Variants in ADGRL3 observed in about 807,000 individuals in gnomAD.
The protein encoded by ADGRL3 is adhesion G protein-coupled receptor L3.
Under a neutral mutation model 153.5 loss-of-function variants are expected in ADGRL3, and 62 were observed. The observed-to-expected ratio is 0.40, with a 90% CI of 0.33 to 0.50. The LOEUF (loss-of-function observed/expected upper bound fraction) is 0.50, where lower values mean the gene tolerates loss of function less well. Ranked by LOEUF, ADGRL3 falls within the 20% of genes least tolerant of loss-of-function variation. The pLI is 0.47. For missense variants in ADGRL3, 1,641 were observed against 1,859.4 expected, an observed-to-expected ratio of 0.88 and a Z score of 2.16; for synonymous variants, 710 against 672.5, an observed-to-expected ratio of 1.06 and a Z score of -0.86.
At chr4:61,638,415 A>G (rs2093521943) in intron 5 of ADGRL3, among the ~76,000 whole-genome samples, 1 of 152,146 alleles carries the variant, frequency 6.6e-6, no homozygotes, top group Admixed American at 6.5e-5. Flanking sequence ...CCTAAACTTC[A>G]TAGTGGTGTG....
intron 8 of ADGRL3, among the ~76,000 whole-genome samples, chr4:61,755,363 T>G (rs1175041018): frequency 6.6e-6 from 1 of 152,202 alleles, no homozygotes; most frequent in Admixed American, 6.5e-5. Context: ...ATTTCTCTGA[T>G]GGCCAGTGAT....
At position 61,240,319 on chromosome 4, in the gene ADGRL3, T is replaced by C. The variant is rs564388039; in HGVS notation, c.-240+38554T>C. On this transcript the variant is annotated intron_variant, in intron 1 of 26. Coordinates refer to ENST00000683033, the MANE Select transcript of ADGRL3 (RefSeq NM_001387552.1). ...GACTTAATCACCTATTAAAGTCCCC[T>C]TCTCGTAATACTGTCACATTGGGTC... Among the ~76,000 whole-genome samples, 46 of 152,218 alleles carry C rather than the reference T, an allele frequency of 3.0e-4. No homozygotes were observed. In the Middle Eastern group the frequency reaches 0.01, roughly 34 times the overall value.
In ADGRL3 at chr4:61,983,386, G is replaced by T. The variant is rs560058104; in HGVS notation, c.3019G>T (p.Ala1007Ser). 1.9e-6 allele frequency: 3 copies of T among 1,613,042 alleles called. No individual in the cohort carries two copies. In the Admixed American group the frequency reaches 5.0e-5, roughly 27 times the overall value. Residue 1007 changes from alanine to serine, a missense_variant, in exon 19 of 27, where the codon GCC becomes TCC. Ala to Ser is a moderately conservative substitution (Grantham distance 99). Coordinates refer to ENST00000683033, the MANE Select transcript of ADGRL3 (RefSeq NM_001387552.1). ...AATCATTTGTTCCTTTTCCTAGATT[G>T]CCTGTGCTGTTTTCGCTGCCCTGTT... ...IGINRTDQPI[A>S]CAVFAALLHF...
chr4:61,336,658 C>T (rs919929978), intron 1 of ADGRL3, among the ~76,000 whole-genome samples: 3 of 151,970 alleles, frequency 2.0e-5, no homozygotes, highest in African/African-American at 7.3e-5. Flanking sequence ...CCTCTGTCAA[C>T]CTGCCAGCCC....
chr4:61,512,942 G>C (rs923580448), intron 3 of ADGRL3, among the ~76,000 whole-genome samples: 2 of 152,042 alleles, frequency 1.3e-5, no homozygotes, highest in Non-Finnish European at 2.9e-5. Flanking sequence ...ACTCTGTAAG[G>C]CTCATGGTTG....
chr4:62,013,417 C>T (rs2151281719), intron 21 of ADGRL3, among the ~76,000 whole-genome samples: 1 of 152,102 alleles, frequency 6.6e-6, no homozygotes, highest in African/African-American at 2.4e-5. Flanking sequence ...TGGCACGCAC[C>T]TGTAATCCCC....
At chr4:61,883,456 G>T (rs1257139092) in intron 9 of ADGRL3, among the ~76,000 whole-genome samples, 1 of 152,008 alleles carries the variant, frequency 6.6e-6, no homozygotes. Context: ...ATTATTCTCT[G>T]CCATATACTT....
intron 7 of ADGRL3, among the ~76,000 whole-genome samples, chr4:61,732,123 CCTTT>C (rs1398859171): frequency 2.0e-5 from 3 of 152,046 alleles, no homozygotes; most frequent in African/African-American, 4.8e-5. Flanking sequence ...TTCCTTCTTT[CCTTT>C]CTTTTTCTTC....
At chr4:61,963,979 A>T (rs2098997420) in intron 17 of ADGRL3, among the ~76,000 whole-genome samples, 1 of 152,200 alleles carries the variant, frequency 6.6e-6, no homozygotes, top group African/African-American at 2.4e-5. Flanking sequence ...CATAATAAGG[A>T]TGAACATCAT....
intron 1 of ADGRL3, among the ~76,000 whole-genome samples, chr4:61,275,246 A>G (rs1036924306): frequency 6.6e-6 from 1 of 152,184 alleles, no homozygotes; most frequent in Admixed American, 6.6e-5. Flanking sequence ...TATCAGAGTA[A>G]CTATCTTTAT....
In ADGRL3 at chr4:62,009,044, C is replaced by A. The variant is rs541162321; in HGVS notation, c.3395+10779C>A. 2.6e-5 allele frequency among the ~76,000 whole-genome samples: 4 copies of A among 152,166 alleles called. No homozygotes were observed. In the East Asian group the frequency reaches 7.7e-4, roughly 29 times the overall value. ...TAGCCTAGATGTGTAGTAGGCTAAA[C>A]CTTTTAAGTTTGTGTAAGAACACTC... On this transcript the variant is annotated intron_variant, in intron 21 of 26. Transcript: ENST00000683033.
At chr4:61,630,836 T>G (rs1407159668) in intron 5 of ADGRL3, among the ~76,000 whole-genome samples, 15 of 152,240 alleles carry the variant, frequency 9.9e-5, no homozygotes, top group Admixed American at 9.8e-4. Flanking sequence ...CCTTGAAAGA[T>G]GTCTACTTAC....
intron 6 of ADGRL3, among the ~76,000 whole-genome samples, chr4:61,702,615 C>A (rs532267980): frequency 3.3e-5 from 5 of 152,056 alleles, no homozygotes; most frequent in Admixed American, 6.6e-5. Context: ...TTGATTTCTG[C>A]AAGGGAATAA....
rs567370838 is a variant in ADGRL3, at chr4:61,430,235, A to G, written c.-174+47046A>G. ...ATTTCTAAATGTAAATGGGATTGGA[A>G]GAGAATCAACCAACCTTGTCAAATT... is the stretch of plus-strand genomic sequence containing the variant. On this transcript the variant is annotated intron_variant, in intron 2 of 26. Transcript: ENST00000683033. 5.1e-4 allele frequency among the ~76,000 whole-genome samples: 77 copies of G among 152,284 alleles called. No individual in the cohort carries two copies. The South Asian group carries it at 0.016, about 32-fold the overall frequency.
intron 17 of ADGRL3, among the ~76,000 whole-genome samples, chr4:61,948,949 C>A (rs1333959848): frequency 6.6e-6 from 1 of 150,416 alleles, no homozygotes; most frequent in South Asian, 2.1e-4. Context: ...TCAACTCAAG[C>A]AGGCTAACAG....
intron 3 of ADGRL3, among the ~76,000 whole-genome samples, chr4:61,514,408 A>T (rs944583135): frequency 6.6e-6 from 1 of 152,194 alleles, no homozygotes; most frequent in Non-Finnish European, 1.5e-5. Flanking sequence ...TATCTTGAAG[A>T]CTTATTTGTA....
chr4:61,799,874 T>TA (rs146968093), intron 8 of ADGRL3, among the ~76,000 whole-genome samples: 36 of 149,816 alleles, frequency 2.4e-4, no homozygotes, highest in African/African-American at 6.3e-4. Flanking sequence ...TATATATGAT[T>TA]AAAAAAAAAA....
At chr4:61,888,194 G>A (rs774112367) in intron 9 of ADGRL3, among the ~76,000 whole-genome samples, 16 of 152,096 alleles carry the variant, frequency 1.1e-4, no homozygotes, top group Non-Finnish European at 2.2e-4. Context: ...GATGATATAA[G>A]GAAAATTGCA....
chr4:61,415,829 A>G (rs1425271959), intron 2 of ADGRL3, among the ~76,000 whole-genome samples: 1 of 152,050 alleles, frequency 6.6e-6, no homozygotes, highest in Non-Finnish European at 1.5e-5. Context: ...TCAGGAACGT[A>G]CATTTCAATA....
Sources: allele counts gnomAD v4.1 joint callset (sites outside exome capture counted in the v4.1 genomes callset), GRCh38; gene constraint gnomAD v4.1.1; transcripts MANE v1.5; gene names NCBI Gene and HGNC (gene_info 2026-07-23, HGNC 2026-07-21).